Variants in DOCK1 observed in about 807,000 individuals in gnomAD.
The protein encoded by DOCK1 is dedicator of cytokinesis 1.
Under a neutral mutation model 262.7 loss-of-function variants are expected in DOCK1, and 138 were observed. That is an observed-to-expected ratio of 0.53 (90% CI 0.46 to 0.61). The LOEUF is 0.61. DOCK1 is among the 20% of genes least tolerant of loss of function. The pLI, the probability that DOCK1 is intolerant of heterozygous loss-of-function variation, is 0.00. For missense variants in DOCK1, 1,908 were observed against 2,370.7 expected, an observed-to-expected ratio of 0.80 and a Z score of 4.05; for synonymous variants, 866 against 867.4, an observed-to-expected ratio of 1.00 and a Z score of 0.03.
At chr10:127,031,099 A>G (rs9418716) in intron 16 of DOCK1, among the ~76,000 whole-genome samples, 25,311 of 152,200 alleles carry the variant, frequency 0.17, 2,333 homozygotes, top group Non-Finnish European at 0.22. Flanking sequence ...GGTAATTCAC[A>G]TGATGGATAT....
At chr10:127,388,209 G>A (rs1276534491) in intron 38 of DOCK1, among the ~76,000 whole-genome samples, 1 of 152,224 alleles carries the variant, frequency 6.6e-6, no homozygotes, top group African/African-American at 2.4e-5. Context: ...GTGTTTTGGT[G>A]GAGACAGAAC....
intron 27 of DOCK1, among the ~76,000 whole-genome samples, chr10:127,231,809 C>CAAATAGAAGACTGAGTGCATTCG: frequency 6.6e-6 from 1 of 152,120 alleles, no homozygotes; most frequent in East Asian, 1.9e-4. Flanking sequence ...TTCTTTCAAA[C>CAAATAGAAGACTGAGTGCATTCG]AAATAGAAGA....
At chr10:127,270,762 C>T (rs2060533828) in intron 29 of DOCK1, among the ~76,000 whole-genome samples, 1 of 152,066 alleles carries the variant, frequency 6.6e-6, no homozygotes, top group Admixed American at 6.6e-5. Context: ...TTTACACGTC[C>T]CTGTCCCCCA....
chr10:127,159,883 G>C (rs916473108), intron 27 of DOCK1, among the ~76,000 whole-genome samples: 2 of 152,160 alleles, frequency 1.3e-5, no homozygotes, highest in African/African-American at 4.8e-5. Flanking sequence ...CCGAGGAGCA[G>C]GGCACGGGAG....
intron 23 of DOCK1, among the ~76,000 whole-genome samples, chr10:127,083,425 T>C (rs949449452): frequency 6.6e-6 from 1 of 152,176 alleles, no homozygotes; most frequent in Non-Finnish European, 1.5e-5. Context: ...CACCCTTTGC[T>C]TTGTTAGTTT....
At chr10:127,249,408 T>TATACATAC (rs111361547) in intron 28 of DOCK1, among the ~76,000 whole-genome samples, 1 of 151,290 alleles carries the variant, frequency 6.6e-6, no homozygotes, top group African/African-American at 2.4e-5. Context: ...TATATACATA[T>TATACATAC]ATATATACAT....
At position 127,114,572 on chromosome 10, in the gene DOCK1, G is replaced by A. The variant is rs559047863; in HGVS notation, c.2623+4218G>A. Among the ~76,000 whole-genome samples the A allele has an allele frequency of 2.0e-5, 3 of 151,982 alleles. No homozygotes were observed. The South Asian group carries it at 6.2e-4, about 32-fold the overall frequency. ...ATTTGCATCTGATCTAATCATTCCT[G>A]TTTTCTGGAAATAGGAGGGGGGTGC... is the stretch of plus-strand genomic sequence containing the variant. On this transcript the variant is annotated intron_variant, in intron 25 of 51. Transcript: ENST00000623213.
At chr10:127,032,404 T>TA in intron 18 of DOCK1, 84 bp downstream of exon 18, 1 of 1,406,824 alleles carries the variant, frequency 7.1e-7, no homozygotes, top group South Asian at 1.5e-5. Flanking sequence ...TGTGGAGGTG[T>TA]GCTCCGTAGG....
intron 27 of DOCK1, among the ~76,000 whole-genome samples, chr10:127,140,154 A>G (rs1364548646): frequency 6.6e-6 from 1 of 152,238 alleles, no homozygotes; most frequent in African/African-American, 2.4e-5. Context: ...CTAGGCTAAC[A>G]GTACAATTTC....
chr10:126,905,840 C>T (rs911021915), intron 1 of DOCK1, among the ~76,000 whole-genome samples: 1 of 151,896 alleles, frequency 6.6e-6, no homozygotes, highest in Non-Finnish European at 1.5e-5. Flanking sequence ...GGTGTCCCCT[C>T]CGACGCCCGC....
At chr10:127,394,451 C>T (rs2066699094) in intron 38 of DOCK1, among the ~76,000 whole-genome samples, 1 of 151,034 alleles carries the variant, frequency 6.6e-6, no homozygotes, top group African/African-American at 2.4e-5. Context: ...CATCTCTTTT[C>T]CAAGTATTTG....
chr10:127,109,264 G>A (rs1362686330), intron 24 of DOCK1, among the ~76,000 whole-genome samples: 1 of 152,128 alleles, frequency 6.6e-6, no homozygotes, highest in East Asian at 1.9e-4. Context: ...CAGTATGACT[G>A]GTGAAACCGT....
At chr10:127,356,653 TG>T (rs1368639407) in intron 32 of DOCK1, among the ~76,000 whole-genome samples, 1 of 151,762 alleles carries the variant, frequency 6.6e-6, no homozygotes, top group Non-Finnish European at 1.5e-5. Flanking sequence ...TTCACAGCAA[TG>T]GCATGGAGGG....
At chr10:127,057,102 G>A (rs78478757) in intron 22 of DOCK1, among the ~76,000 whole-genome samples, 10,934 of 152,042 alleles carry the variant, frequency 0.072, 461 homozygotes, top group East Asian at 0.13. Flanking sequence ...AGAGCCCCAC[G>A]TCCCACACAG....
intron 27 of DOCK1, among the ~76,000 whole-genome samples, chr10:127,208,078 A>G (rs909147257): frequency 2.0e-5 from 3 of 152,214 alleles, no homozygotes; most frequent in Admixed American, 6.5e-5. Flanking sequence ...TACTTCTGGC[A>G]GGGGATATGG....
At chr10:126,971,811 C>T (rs1394112061) in intron 2 of DOCK1, among the ~76,000 whole-genome samples, 1 of 152,024 alleles carries the variant, frequency 6.6e-6, no homozygotes, top group Admixed American at 6.6e-5. Context: ...TCAGAGGAAC[C>T]CCAATTTTCA....
chr10:127,355,711 G>T (rs2064113094), intron 32 of DOCK1, among the ~76,000 whole-genome samples: 1 of 152,174 alleles, frequency 6.6e-6, no homozygotes, highest in Non-Finnish European at 1.5e-5. Flanking sequence ...TAGCATTAGG[G>T]TTTCACTTGT....
chr10:127,434,405 C>G (rs1431545451), intron 48 of DOCK1, among the ~76,000 whole-genome samples: 1 of 152,140 alleles, frequency 6.6e-6, no homozygotes, highest in Non-Finnish European at 1.5e-5. Context: ...GTGATCACAG[C>G]TCACTGCAGC....
At chr10:127,415,609 CT>C (rs1428664368) in intron 44 of DOCK1, among the ~76,000 whole-genome samples, 1 of 152,084 alleles carries the variant, frequency 6.6e-6, no homozygotes, top group East Asian at 1.9e-4. Flanking sequence ...GATTTTTTTC[CT>C]GATGGTTTTA....
Sources: gnomAD v4.1 joint callset for allele counts (sites outside exome capture counted in the v4.1 genomes callset) on GRCh38, gnomAD v4.1.1 for gene constraint, MANE v1.5 for transcripts, NCBI Gene and HGNC (gene_info 2026-07-23, HGNC 2026-07-21) for gene names.